Variants in ATAD1 observed in about 807,000 individuals in gnomAD.
ATAD1 encodes outer mitochondrial transmembrane helix translocase.
ATAD1 carries 18 observed loss-of-function variants against 42.7 expected under a neutral mutation model. That is an observed-to-expected ratio of 0.42 (90% CI 0.29 to 0.63). The LOEUF is 0.63. Ranked by LOEUF, ATAD1 falls within the 20% of genes least tolerant of loss-of-function variation. The pLI is 0.19. For synonymous variants in ATAD1, 132 were observed against 143.1 expected, an observed-to-expected ratio of 0.92 and a Z score of 0.55; for missense variants, 294 against 440.4, an observed-to-expected ratio of 0.67 and a Z score of 2.98.
intron 2 of ATAD1, among the ~76,000 whole-genome samples, chr10:87,796,886 T>C (rs528823773): frequency 6.6e-5 from 10 of 152,236 alleles, no homozygotes; most frequent in Non-Finnish European, 1.5e-4. Flanking sequence ...AAGTTTATTT[T>C]GCAATACAAC....
chr10:87,808,013 C>T (rs1419932866), intron 2 of ATAD1, among the ~76,000 whole-genome samples: 2 of 151,886 alleles, frequency 1.3e-5, no homozygotes, highest in East Asian at 1.9e-4. Flanking sequence ...TATGTTTGTC[C>T]GTTGTTTTAT....
intron 2 of ATAD1, among the ~76,000 whole-genome samples, chr10:87,804,226 A>G (rs1856826330): frequency 6.6e-6 from 1 of 152,228 alleles, no homozygotes. Context: ...TCAAGTCTAC[A>G]GTGTAATGAT....
chr10:87,789,110 A>G (rs993424181), intron 4 of ATAD1, among the ~76,000 whole-genome samples: 2 of 152,226 alleles, frequency 1.3e-5, no homozygotes, highest in Non-Finnish European at 2.9e-5. Flanking sequence ...TATGTAAATT[A>G]ATGCACTTTA....
chr10:87,814,480 T>C lies in ATAD1; in HGVS notation c.120A>G (p.Ala40=). The C allele has an allele frequency of 6.2e-7, 1 of 1,605,634 alleles. No homozygotes were observed. Among genetic ancestry groups the C allele is most frequent in the Admixed American group, 1.7e-5 (1 of 58,732 alleles). Residue 40 remains alanine, a synonymous_variant, in exon 2 of 10, where the codon GCA becomes GCG. Coordinates refer to ENST00000680024, the MANE Select transcript of ATAD1 (RefSeq NM_001321967.2). The part of the protein sequence containing the change: ...TYFTIKWMVD[A]IDPTRKQKVE... The stretch of plus-strand genomic sequence containing the variant: ...CTTTTTGCTTTCTGGTTGGATCAAT[T>C]GCATCTACCATCCATTTGATAGTAA...
At chr10:87,769,430 A>C (rs1303556199) in intron 7 of ATAD1, among the ~76,000 whole-genome samples, 2 of 152,196 alleles carry the variant, frequency 1.3e-5, no homozygotes, top group South Asian at 2.1e-4. Context: ...TCATCCTTCA[A>C]GGTCCAGCTG....
rs1833106274 is a variant in ATAD1 at position 87,753,691 on chromosome 10, G to C, written c.*996C>G. Reference sequence around the variant, plus strand: ...AGTATTTTTAGCACACTTAGTAACAGCTACTTGTTTTAAACTATTATTTCA... The same window carrying C: ...AGTATTTTTAGCACACTTAGTAACACCTACTTGTTTTAAACTATTATTTCA... On this transcript the variant is annotated 3_prime_UTR_variant, in exon 10 of 10. Coordinates refer to ENST00000680024, the MANE Select transcript of ATAD1 (RefSeq NM_001321967.2). 6.6e-6 allele frequency: 1 copy of C among 152,444 alleles called. No individual in the cohort carries two copies. The highest frequency in any genetic ancestry group is 2.4e-5 in the African/African-American group (1 of 41,400). The allele number at this position is 152,444 out of a possible 1,614,324, so 9.4% of individuals were successfully genotyped here. A position where few individuals can be genotyped will look rare whatever the true frequency, so the allele number is the denominator to read the frequency against.
At chr10:87,762,687 C>G (rs972519000) in intron 8 of ATAD1, among the ~76,000 whole-genome samples, 3 of 150,536 alleles carry the variant, frequency 2.0e-5, no homozygotes, top group Non-Finnish European at 4.4e-5. Flanking sequence ...AGGCTGGTTT[C>G]GAACTCCTGA....
At chr10:87,837,854 T>G (rs1325914663) in intron 1 of ATAD1, among the ~76,000 whole-genome samples, 1 of 152,206 alleles carries the variant, frequency 6.6e-6, no homozygotes, top group Non-Finnish European at 1.5e-5. Context: ...CTGCTGACAT[T>G]GCAGTCATTA....
intron 2 of ATAD1, among the ~76,000 whole-genome samples, chr10:87,802,947 C>T (rs994518716): frequency 1.3e-5 from 2 of 151,982 alleles, no homozygotes; most frequent in Admixed American, 6.6e-5. Flanking sequence ...CCCCATTTTT[C>T]CTAATTTGGA....
rs1252982038 is a variant in ATAD1 at position 87,753,882 on chromosome 10, G to A, written c.*805C>T. Reference sequence around the variant, plus strand: ...TTTTTCAAACCCATTCTTTTGAAAGGCCTTTTAATCCACTTTCATGTAAAC... The same window carrying A: ...TTTTTCAAACCCATTCTTTTGAAAGACCTTTTAATCCACTTTCATGTAAAC... On this transcript the variant is annotated 3_prime_UTR_variant, in exon 10 of 10. Transcript: ENST00000680024. The A allele has an allele frequency of 6.6e-6, 1 of 152,506 alleles. No individual in the cohort carries two copies. Among genetic ancestry groups the A allele is most frequent in the Non-Finnish European group, 1.5e-5 (1 of 68,014 alleles). 9.4% of individuals were successfully genotyped at this position (152,506 alleles called of 1,614,324 possible).
At chr10:87,789,023 T>G (rs1855968628) in intron 4 of ATAD1, among the ~76,000 whole-genome samples, 1 of 152,200 alleles carries the variant, frequency 6.6e-6, no homozygotes, top group Non-Finnish European at 1.5e-5. Flanking sequence ...TGCTGTTAAC[T>G]GTCATCCTCC....
chr10:87,774,152 C>T lies in ATAD1; in HGVS notation c.690+2169G>A, dbSNP rs114213764. ...TTCAGACTTTTGACTTATGCTAATG[C>T]GGTGGGCTTAAGGGATCCTTAAACC... On this transcript the variant is annotated intron_variant, in intron 6 of 9. Coordinates refer to ENST00000680024, the MANE Select transcript of ATAD1 (RefSeq NM_001321967.2). 5.6e-3 allele frequency among the ~76,000 whole-genome samples: 854 copies of T among 152,166 alleles called. 10 individuals are homozygous for T. Among genetic ancestry groups the T allele is most frequent in the African/African-American group, 0.019 (797 of 41,514 alleles).
chr10:87,787,363 T>C (rs1349338469), intron 4 of ATAD1, among the ~76,000 whole-genome samples: 1 of 152,192 alleles, frequency 6.6e-6, no homozygotes, highest in Non-Finnish European at 1.5e-5. Flanking sequence ...TTCACACCTG[T>C]AATCTCAACA....
chr10:87,757,283 AAAAAC>A (rs1361844776), intron 8 of ATAD1, among the ~76,000 whole-genome samples: 1 of 151,466 alleles, frequency 6.6e-6, no homozygotes, highest in African/African-American at 2.4e-5. Context: ...ACAAAAAAAA[AAAAAC>A]AAAACACTCA....
At chr10:87,822,932 T>C (rs1857657701), upstream of ATAD1, among the ~76,000 whole-genome samples, 1 of 151,092 alleles carries the variant, frequency 6.6e-6, no homozygotes, top group Admixed American at 6.6e-5. Flanking sequence ...TATGTACCCA[T>C]AAACTTTTTT....
At chr10:87,816,645 T>C (rs1248192257) in intron 1 of ATAD1, among the ~76,000 whole-genome samples, 2 of 152,164 alleles carry the variant, frequency 1.3e-5, no homozygotes, top group African/African-American at 4.8e-5. Context: ...AACCAAAGTG[T>C]GCTATCTTCC....
chr10:87,779,594 T>G (rs921468965), intron 5 of ATAD1, among the ~76,000 whole-genome samples: 6 of 152,166 alleles, frequency 3.9e-5, no homozygotes, highest in African/African-American at 1.4e-4. Context: ...GTACAATTAT[T>G]ATGTATCAAT....
chr10:87,821,049 T>C (rs1233054550), upstream of ATAD1, among the ~76,000 whole-genome samples: 2 of 152,220 alleles, frequency 1.3e-5, no homozygotes, highest in African/African-American at 4.8e-5. Flanking sequence ...TATTACTTTA[T>C]TCTAGAAAGT....
At chr10:87,798,321 C>G (rs1290240067) in intron 2 of ATAD1, among the ~76,000 whole-genome samples, 1 of 152,168 alleles carries the variant, frequency 6.6e-6, no homozygotes, top group Non-Finnish European at 1.5e-5. Context: ...GAATGATCCC[C>G]TTTCAAGCAC....
Sources: allele counts gnomAD v4.1 joint callset (sites outside exome capture counted in the v4.1 genomes callset), GRCh38; gene constraint gnomAD v4.1.1; transcripts MANE v1.5; gene names NCBI Gene and HGNC (gene_info 2026-07-23, HGNC 2026-07-21).